Variants in ALPK3 observed in about 807,000 individuals in gnomAD.
ALPK3 encodes the protein alpha-protein kinase 3.
ALPK3 carries 102 observed loss-of-function variants against 140.0 expected under a neutral mutation model. The observed-to-expected ratio is 0.73, with a 90% CI of 0.62 to 0.86. The LOEUF (loss-of-function observed/expected upper bound fraction) is 0.86. Ranked by LOEUF, ALPK3 falls within the 40% of genes least tolerant of loss-of-function variation. The pLI is 0.00. For missense variants in ALPK3, 2,254 were observed against 2,208.2 expected, an observed-to-expected ratio of 1.02 and a Z score of -0.42; for synonymous variants, 938 against 898.5, an observed-to-expected ratio of 1.04 and a Z score of -0.79.
At position 84,856,958 on chromosome 15, in the gene ALPK3, A is replaced by G. The variant is rs1217434884; in HGVS notation, c.2220A>G (p.Lys740=). 2 of 1,613,940 alleles carry G rather than the reference A, an allele frequency of 1.2e-6. No homozygotes were observed. The highest frequency in any genetic ancestry group is 3.3e-5 in the Admixed American group (2 of 60,010). ...TSLGPPSRTP[K]LPPTAGPRAP... ...TCGGCCCACCATCCAGAACCCCCAAACTCCCACCTACAGCGGGTCCTAGAG... is the reference window on the plus strand; with the variant it reads ...TCGGCCCACCATCCAGAACCCCCAAGCTCCCACCTACAGCGGGTCCTAGAG... Residue 740 remains lysine, a synonymous_variant, in exon 6 of 14, where the codon AAA becomes AAG. Transcript: ENST00000258888.
Position 84,862,703 on chromosome 15 carries a change from GA to G in ALPK3, c.4199del (p.Asp1400AlafsTer8), listed in dbSNP as rs1567095321. 1 of 1,614,182 alleles carries G rather than the reference GA, an allele frequency of 6.2e-7. No individual in the cohort carries two copies. Among genetic ancestry groups the G allele is most frequent in the South Asian group, 1.1e-5 (1 of 91,082 alleles). On this transcript the variant is annotated frameshift_variant, in exon 10 of 14. Transcript: ENST00000258888. LOFTEE classifies it high-confidence loss of function. ...KGLADSGCWG[D>X]KLFGRLVSEE... ...TCTGGCTGACTCTGGCTGCTGGGGG[GA>G]CAAGCTCTTTGGGCGACTGGTAAGC...
At chr15:84,825,184 TA>T (rs1374866338) in intron 2 of ALPK3, among the ~76,000 whole-genome samples, 10 of 151,566 alleles carry the variant, frequency 6.6e-5, no homozygotes, top group Non-Finnish European at 1.2e-4. Flanking sequence ...TTTATTTTAT[TA>T]TTATTTTTTT....
intron 3 of ALPK3, among the ~76,000 whole-genome samples, chr15:84,833,480 T>C (rs779527207): frequency 2.6e-5 from 4 of 152,210 alleles, no homozygotes; most frequent in Non-Finnish European, 5.9e-5. Flanking sequence ...GGGAGCTCTC[T>C]AGTCTGGAGA....
At position 84,862,837 on chromosome 15, in the gene ALPK3, C is replaced by T. The variant is rs2141572770; in HGVS notation, c.4332C>T (p.Ile1444=). 1.9e-6 allele frequency: 3 copies of T among 1,614,174 alleles called. No individual in the cohort carries two copies. The highest frequency in any genetic ancestry group is 1.7e-5 in the Admixed American group (1 of 60,032). ...PIFESGRTCI[I]KVSSLLVFGP... is the part of the protein sequence containing the mutation. ...TCGAGTCGGGCCGCACGTGCATCAT[C>T]AAGGTGTCCAGCCTGCTTGTGTTTG... The change falls in exon 10 of 14, where the codon ATC becomes ATT. Residue 1444 remains isoleucine, a synonymous_variant. Coordinates refer to ENST00000258888, the MANE Select transcript of ALPK3 (RefSeq NM_020778.5).
chr15:84,853,511 G>A (rs1963828825), intron 5 of ALPK3, among the ~76,000 whole-genome samples: 1 of 152,192 alleles, frequency 6.6e-6, no homozygotes, highest in Admixed American at 6.5e-5. Flanking sequence ...CTACTCGGGA[G>A]GCTAAGGCAG....
rs1964055480 is a variant in ALPK3, at chr15:84,870,397, C to T, written c.*1941C>T. 1 of 152,204 alleles carries T rather than the reference C, an allele frequency of 6.6e-6. No individual in the cohort carries two copies. Among genetic ancestry groups the T allele is most frequent in the African/African-American group, 2.4e-5 (1 of 41,440 alleles). 9.4% of individuals were successfully genotyped at this position (152,204 alleles called of 1,614,324 possible). A position where few individuals can be genotyped will look rare whatever the true frequency, so the allele number is the denominator to read the frequency against. ...TCATTCAGCAGACATATACTGAGTGCTACTTTATGCCAGACCCTGGGCTGG... is the reference window on the plus strand; with the variant it reads ...TCATTCAGCAGACATATACTGAGTGTTACTTTATGCCAGACCCTGGGCTGG... On this transcript the variant is annotated 3_prime_UTR_variant, in exon 14 of 14. Transcript: ENST00000258888.
rs183856165 is a variant in ALPK3 at position 84,843,196 on chromosome 15, G to A, written c.1653+2264G>A. On this transcript the variant is annotated intron_variant, in intron 5 of 13. Transcript: ENST00000258888. ...AAACCTCATGGTTAGGCTGGGTACA[G>A]TGGCTCATGCCTGTAATCCCAGCAC... Among the ~76,000 whole-genome samples the A allele has an allele frequency of 2.0e-5, 3 of 152,372 alleles. No homozygotes were observed. In the East Asian group the frequency reaches 5.8e-4, roughly 29 times the overall value.
rs139884636 is a variant in ALPK3, at chr15:84,826,718, G to C, written c.183-766G>C. On this transcript the variant is annotated intron_variant, in intron 2 of 13. Transcript: ENST00000258888. ...ACTAAAAGTTCTGGCTTTTGCAGGG[G>C]TGGATCCGTTTGTGGTTTGGCACTC... Among the ~76,000 whole-genome samples, 1,007 of 152,274 alleles carry C rather than the reference G, an allele frequency of 6.6e-3. 7 individuals carry two copies. Among genetic ancestry groups the C allele is most frequent in the Middle Eastern group, 0.02 (6 of 294 alleles).
Position 84,857,861 on chromosome 15 carries a change from C to T in ALPK3, c.3123C>T (p.Thr1041=), listed in dbSNP as rs114823113. Residue 1041 remains threonine, a synonymous_variant, in exon 6 of 14, where the codon ACC becomes ACT. Coordinates refer to ENST00000258888, the MANE Select transcript of ALPK3 (RefSeq NM_020778.5). ...GCCCCTGTACCTCCCGCCGCCTCAC[C>T]GGCCTCCTGGACCGTGAGGTGCAGG... ...LLSPCTSRRL[T]GLLDREVQAG... 1.4e-5 allele frequency: 22 copies of T among 1,612,020 alleles called. No individual in the cohort carries two copies. The highest frequency in any genetic ancestry group is 6.7e-5 in the African/African-American group (5 of 74,932).
At chr15:84,847,320 C>T (rs548622496) in intron 5 of ALPK3, among the ~76,000 whole-genome samples, 1 of 151,194 alleles carries the variant, frequency 6.6e-6, no homozygotes, top group Non-Finnish European at 1.5e-5. Flanking sequence ...ACATTTGTGT[C>T]ACTGGATAAT....
At chr15:84,821,108 C>T (rs772838296) in intron 1 of ALPK3, among the ~76,000 whole-genome samples, 28 of 152,366 alleles carry the variant, frequency 1.8e-4, no homozygotes, top group Admixed American at 5.9e-4. Context: ...TCAGCTCCCC[C>T]TCAGAGGCAG....
rs12915656 is a variant in ALPK3, at chr15:84,872,349, G to A, written c.*3893G>A. Reference sequence around the variant, plus strand: ...CTTACCGCAAGCTATGTATGGCTCCGCGGTATGCCACCCATGGAAAGACAC... The same window carrying A: ...CTTACCGCAAGCTATGTATGGCTCCACGGTATGCCACCCATGGAAAGACAC... On this transcript the variant is annotated 3_prime_UTR_variant, in exon 14 of 14. Coordinates refer to ENST00000258888, the MANE Select transcript of ALPK3 (RefSeq NM_020778.5). 1.2e-4 allele frequency: 19 copies of A among 152,118 alleles called. No individual in the cohort carries two copies. The highest frequency in any genetic ancestry group is 3.1e-4 in the African/African-American group (13 of 41,438). The allele number at this position is 152,118 out of a possible 1,614,324, so 9.4% of individuals were successfully genotyped here.
At chr15:84,847,205 C>CA (rs369575364) in intron 5 of ALPK3, among the ~76,000 whole-genome samples, 19,312 of 106,286 alleles carry the variant, frequency 0.18, 2,028 homozygotes, top group South Asian at 0.23. Context: ...GAGGGAGAAA[C>CA]GGGGAGAGAG....
chr15:84,818,829 A>ACCCCTGGC (rs1963391913), intron 1 of ALPK3, among the ~76,000 whole-genome samples: 1 of 152,244 alleles, frequency 6.6e-6, no homozygotes, highest in Non-Finnish European at 1.5e-5. Flanking sequence ...CCAGGAAAGA[A>ACCCCTGGC]TACCCCTTTT....
chr15:84,862,877 A>C lies in ALPK3; in HGVS notation c.4372A>C (p.Thr1458Pro). Reference sequence around the variant, plus strand: ...GCTTGTGTTTGGGCCCAGCAGTGAGACTTCTCTTGTGGGCAGAAACTACGA... The same window carrying C: ...GCTTGTGTTTGGGCCCAGCAGTGAGCCTTCTCTTGTGGGCAGAAACTACGA... ...SLLVFGPSSE[T>P]SLVGRNYDVT... The change falls in exon 10 of 14, where the codon ACT (threonine) becomes CCT (proline). Residue 1458 changes from threonine (T) to proline (P), a missense_variant. This residue lies in a region of ALPK3 where 2,088 missense variants were observed against 2,022.9 expected (regional missense o/e 1.03). Coordinates refer to ENST00000258888, the MANE Select transcript of ALPK3 (RefSeq NM_020778.5). 1 of 1,613,916 alleles carries C rather than the reference A, an allele frequency of 6.2e-7. No homozygotes were observed. The highest frequency in any genetic ancestry group is 1.7e-5 in the Admixed American group (1 of 60,006).
At chr15:84,860,391 G>A (rs1963929449) in intron 9 of ALPK3, among the ~76,000 whole-genome samples, 1 of 152,204 alleles carries the variant, frequency 6.6e-6, no homozygotes, top group East Asian at 1.9e-4. Context: ...TTCTCACAGT[G>A]CTCTGTGGAC....
At chr15:84,818,413 A>T in intron 1 of ALPK3, among the ~76,000 whole-genome samples, 1 of 152,140 alleles carries the variant, frequency 6.6e-6, no homozygotes, top group East Asian at 1.9e-4. Context: ...GGACAGGCGC[A>T]TTGCCATGGA....
At chr15:84,823,776 C>T (rs1405810979) in intron 2 of ALPK3, among the ~76,000 whole-genome samples, 3 of 152,204 alleles carry the variant, frequency 2.0e-5, no homozygotes, top group African/African-American at 7.2e-5. Context: ...GGCTGGAGTG[C>T]AATGGCTCCC....
intron 3 of ALPK3, among the ~76,000 whole-genome samples, chr15:84,837,899 A>G (rs1349441770): frequency 6.6e-6 from 1 of 152,206 alleles, no homozygotes; most frequent in Non-Finnish European, 1.5e-5. Context: ...TTCAGATACA[A>G]TGGTAGACTG....
Sources: allele counts gnomAD v4.1 joint callset (sites outside exome capture counted in the v4.1 genomes callset), GRCh38; gene constraint gnomAD v4.1.1; regional missense constraint gnomAD v4.1.1; transcripts MANE v1.5; gene names NCBI Gene and HGNC (gene_info 2026-07-23, HGNC 2026-07-21).